EPHA5: variants seen among roughly 807,000 people sequenced by gnomAD.
The protein encoded by EPHA5 is EPH receptor A5.
Under a neutral mutation model 105.0 loss-of-function variants are expected in EPHA5, and 60 were observed. The observed-to-expected ratio is 0.57, with a 90% CI of 0.46 to 0.71. The LOEUF (loss-of-function observed/expected upper bound fraction) is 0.71, where lower values mean the gene tolerates loss of function less well. Ranked by LOEUF, EPHA5 falls within the 30% of genes least tolerant of loss-of-function variation. The pLI is 0.00. For missense variants in EPHA5, 1,218 were observed against 1,274.7 expected (o/e 0.96, Z 0.68); for synonymous variants, 513 against 449.1 (o/e 1.14, Z -1.80).
chr4:65,430,669 C>G (rs1185713886), intron 5 of EPHA5, among the ~76,000 whole-genome samples: 1 of 151,964 alleles, frequency 6.6e-6, no homozygotes, highest in African/African-American at 2.4e-5. Context: ...CCAAGTTCAC[C>G]CCACCAGGAA....
chr4:65,603,540 T>C (rs1743944145), intron 2 of EPHA5, among the ~76,000 whole-genome samples: 1 of 152,134 alleles, frequency 6.6e-6, no homozygotes, highest in African/African-American at 2.4e-5. Flanking sequence ...TATTTCTTGA[T>C]TCTGTTCTAA....
At chr4:65,433,985 G>T (rs1000670410) in intron 5 of EPHA5, among the ~76,000 whole-genome samples, 1 of 152,134 alleles carries the variant, frequency 6.6e-6, no homozygotes, top group Non-Finnish European at 1.5e-5. Flanking sequence ...AACCCGGGAG[G>T]CGGAAGTTGC....
chr4:65,562,212 G>A (rs1578428578), intron 3 of EPHA5, among the ~76,000 whole-genome samples: 1 of 152,182 alleles, frequency 6.6e-6, no homozygotes, highest in African/African-American at 2.4e-5. Context: ...TAAACTTGAA[G>A]ATCCATAATT....
intron 5 of EPHA5, among the ~76,000 whole-genome samples, chr4:65,451,391 A>G (rs950846094): frequency 1.3e-5 from 2 of 152,124 alleles, no homozygotes; most frequent in African/African-American, 4.8e-5. Context: ...TACAATCCCA[A>G]TTATATACCA....
chr4:65,425,696 A>G lies in EPHA5; in HGVS notation c.1403-5131T>C, dbSNP rs144587276. 3.9e-4 allele frequency among the ~76,000 whole-genome samples: 60 copies of G among 152,088 alleles called. 1 individual carries two copies. In the East Asian group the frequency reaches 0.011, roughly 29 times the overall value. ...TTAGAAAGCTGAGGCTGAAAGTTGG[A>G]TCAGTATTGAGGTTTTCTGAACTGC... On this transcript the variant is annotated intron_variant, in intron 5 of 16. Coordinates refer to ENST00000613740, the MANE Select transcript of EPHA5 (RefSeq NM_001281766.3).
intron 3 of EPHA5, among the ~76,000 whole-genome samples, chr4:65,575,782 G>T (rs1394999234): frequency 6.6e-6 from 1 of 151,738 alleles, no homozygotes; most frequent in Non-Finnish European, 1.5e-5. Flanking sequence ...GACCAGCCCA[G>T]CCTGGTCAAC....
intron 5 of EPHA5, among the ~76,000 whole-genome samples, chr4:65,426,299 C>T (rs1724435243): frequency 6.6e-6 from 1 of 152,060 alleles, no homozygotes; most frequent in African/African-American, 2.4e-5. Context: ...TGCCTCAGAC[C>T]CTTTACACTT....
intron 3 of EPHA5, chr4:65,573,559 C>T: frequency 1.3e-6 from 2 of 1,598,018 alleles, no homozygotes; most frequent in Non-Finnish European, 8.5e-7. Flanking sequence ...AACCTCAAAG[C>T]TAAAAAGCCC....
intron 5 of EPHA5, among the ~76,000 whole-genome samples, chr4:65,490,133 GA>G (rs1256508482): frequency 6.6e-6 from 1 of 152,154 alleles, no homozygotes; most frequent in Non-Finnish European, 1.5e-5. Flanking sequence ...TATTTCTAAT[GA>G]AAAAATTCAA....
At chr4:65,435,549 C>G (rs1248158725) in intron 5 of EPHA5, among the ~76,000 whole-genome samples, 3 of 151,936 alleles carry the variant, frequency 2.0e-5, no homozygotes, top group Admixed American at 6.6e-5. Flanking sequence ...TTGAAATACT[C>G]CCAGATAAAT....
intron 3 of EPHA5, among the ~76,000 whole-genome samples, chr4:65,539,166 A>T (rs1056981355): frequency 6.6e-6 from 1 of 151,628 alleles, no homozygotes; most frequent in Non-Finnish European, 1.5e-5. Flanking sequence ...TGGGGAAAAA[A>T]GTTTCCGAAA....
intron 3 of EPHA5, among the ~76,000 whole-genome samples, chr4:65,527,847 C>T (rs1735386935): frequency 6.6e-6 from 1 of 152,068 alleles, no homozygotes; most frequent in African/African-American, 2.4e-5. Flanking sequence ...TCCTCCCATT[C>T]TCCACTCTCC....
intron 3 of EPHA5, among the ~76,000 whole-genome samples, chr4:65,502,415 A>AAAT (rs1553927644): frequency 4.6e-5 from 7 of 151,590 alleles, no homozygotes; most frequent in South Asian, 2.1e-4. Context: ...GCAAAAAAAA[A>AAAT]ATATATAGCC....
At chr4:65,588,728 A>T (rs889246072) in intron 3 of EPHA5, among the ~76,000 whole-genome samples, 2 of 152,178 alleles carry the variant, frequency 1.3e-5, no homozygotes, top group Non-Finnish European at 2.9e-5. Context: ...TGAAATGAAA[A>T]TGTGCACACT....
At chr4:65,432,989 T>C (rs1022658694) in intron 5 of EPHA5, among the ~76,000 whole-genome samples, 2 of 152,140 alleles carry the variant, frequency 1.3e-5, no homozygotes, top group Non-Finnish European at 2.9e-5. Flanking sequence ...TGCTTCTAAA[T>C]ATAATGATAC....
At chr4:65,476,611 G>GA (rs1379436801) in intron 5 of EPHA5, among the ~76,000 whole-genome samples, 1 of 152,004 alleles carries the variant, frequency 6.6e-6, no homozygotes, top group African/African-American at 2.4e-5. Context: ...ATAAAGGGGT[G>GA]AAAAAATAAC....
chr4:65,544,212 CA>C (rs1737145017), intron 3 of EPHA5, among the ~76,000 whole-genome samples: 1 of 151,740 alleles, frequency 6.6e-6, no homozygotes, highest in Admixed American at 6.6e-5. Flanking sequence ...AAACAAAAGC[CA>C]AAATTGACAA....
At chr4:65,575,828 T>G (rs939628061) in intron 3 of EPHA5, among the ~76,000 whole-genome samples, 9 of 151,126 alleles carry the variant, frequency 6.0e-5, no homozygotes, top group Non-Finnish European at 8.8e-5. Flanking sequence ...AATACAAAAA[T>G]TAGGCAGGCG....
At chr4:65,438,095 C>T (rs1193050263) in intron 5 of EPHA5, among the ~76,000 whole-genome samples, 6 of 151,762 alleles carry the variant, frequency 4.0e-5, no homozygotes, top group Non-Finnish European at 7.4e-5. Flanking sequence ...TATCATGTGC[C>T]AGGCATTATT....
Sources: allele counts gnomAD v4.1 joint callset (sites outside exome capture counted in the v4.1 genomes callset), GRCh38; gene constraint gnomAD v4.1.1; transcripts MANE v1.5; gene names NCBI Gene and HGNC (gene_info 2026-07-23, HGNC 2026-07-21).